PARPBP: variants seen among roughly 807,000 people sequenced by gnomAD.
The protein encoded by PARPBP is PCNA-interacting partner.
A neutral mutation model predicts 50.0 loss-of-function variants in PARPBP; 52 were observed. The ratio of observed to expected loss-of-function variants is 1.04; its 90% CI spans 0.83 to 1.31. The LOEUF is 1.31. PARPBP is among the 50% of genes most tolerant of loss of function. PARPBP has a pLI of 0.00. For synonymous variants in PARPBP, 244 were observed against 232.1 expected (o/e 1.05, Z -0.47); for missense variants, 697 against 672.0 (o/e 1.04, Z -0.41).
At chr12:102,176,759 C>G (rs531155316) in intron 7 of PARPBP, among the ~76,000 whole-genome samples, 1 of 152,166 alleles carries the variant, frequency 6.6e-6, no homozygotes, top group Non-Finnish European at 1.5e-5. Context: ...CATTCATTTA[C>G]TCACAGCACT....
At chr12:102,143,418 G>A (rs947644699) in intron 2 of PARPBP, among the ~76,000 whole-genome samples, 21 of 152,284 alleles carry the variant, frequency 1.4e-4, no homozygotes, top group South Asian at 2.1e-4. Context: ...GGAATTCCCC[G>A]ACCCCTTGCG....
intron 5 of PARPBP, chr12:102,164,810 T>C (rs1249100016): frequency 1.7e-6 from 1 of 595,262 alleles, no homozygotes; most frequent in East Asian, 2.9e-5. Flanking sequence ...AGTGTTTCCT[T>C]ACATATGTTC....
intron 2 of PARPBP, among the ~76,000 whole-genome samples, chr12:102,147,327 C>G (rs1045236992): frequency 9.2e-5 from 14 of 152,096 alleles, no homozygotes; most frequent in African/African-American, 1.7e-4. Context: ...AAATGTCCAA[C>G]AATGATAGAC....
intron 4 of PARPBP, among the ~76,000 whole-genome samples, chr12:102,156,111 G>T (rs1237548109): frequency 4.7e-5 from 7 of 149,422 alleles, no homozygotes; most frequent in Admixed American, 4.7e-4. Flanking sequence ...CATCTTGGGA[G>T]CTCTAAGAAC....
At chr12:102,190,306 A>G (rs1401765739) in intron 9 of PARPBP, among the ~76,000 whole-genome samples, 1 of 152,080 alleles carries the variant, frequency 6.6e-6, no homozygotes, top group African/African-American at 2.4e-5. Context: ...CATTCAAAAA[A>G]CAGTAAGTAC....
chr12:102,192,498 T>C (rs1890886793), intron 9 of PARPBP, among the ~76,000 whole-genome samples: 1 of 152,112 alleles, frequency 6.6e-6, no homozygotes, highest in Admixed American at 6.6e-5. Context: ...AGTTGGACAG[T>C]TGTTGGCTCA....
At chr12:102,177,434 G>A (rs1430595166) in intron 7 of PARPBP, among the ~76,000 whole-genome samples, 1 of 152,148 alleles carries the variant, frequency 6.6e-6, no homozygotes, top group African/African-American at 2.4e-5. Flanking sequence ...TAAGCAGTTG[G>A]TATCAAATCC....
chr12:102,137,355 T>C (rs1399442474), intron 2 of PARPBP, among the ~76,000 whole-genome samples: 1 of 152,190 alleles, frequency 6.6e-6, no homozygotes, highest in Non-Finnish European at 1.5e-5. Context: ...TGTTAGTCTG[T>C]CTAATGGCAT....
At chr12:102,190,257 T>A (rs1890675253) in intron 9 of PARPBP, among the ~76,000 whole-genome samples, 1 of 152,172 alleles carries the variant, frequency 6.6e-6, no homozygotes, top group South Asian at 2.1e-4. Flanking sequence ...TTGCATATAC[T>A]TGTTATAGTC....
At chr12:102,149,373 C>G (rs373825255) in intron 3 of PARPBP, among the ~76,000 whole-genome samples, 52 of 152,274 alleles carry the variant, frequency 3.4e-4, no homozygotes, top group African/African-American at 1.0e-3. Flanking sequence ...CCATGGTTAT[C>G]AGAGACCTGG....
At chr12:102,176,917 A>G (rs1289360421) in intron 7 of PARPBP, among the ~76,000 whole-genome samples, 1 of 152,220 alleles carries the variant, frequency 6.6e-6, no homozygotes, top group Non-Finnish European at 1.5e-5. Context: ...CAACCAGGTT[A>G]TTACTATAAG....
At chr12:102,194,200 T>C (rs1891054499) in intron 9 of PARPBP, among the ~76,000 whole-genome samples, 3 of 152,030 alleles carry the variant, frequency 2.0e-5, no homozygotes, top group African/African-American at 7.2e-5. Flanking sequence ...GAACATATAA[T>C]ATATAACTAC....
Position 102,136,101 on chromosome 12 carries a change from C to T in PARPBP, c.153+12060C>T, listed in dbSNP as rs146740799. Among the ~76,000 whole-genome samples, 896 of 152,298 alleles carry T rather than the reference C, an allele frequency of 5.9e-3. 11 individuals carry two copies. The highest frequency in any genetic ancestry group is 0.02 in the African/African-American group (840 of 41,562). The stretch of plus-strand genomic sequence containing the variant: ...GCACATTGTTTGCTTTTTCAACTGA[C>T]CTTCCCGTTCATATTCTTAGTCGTA... On this transcript the variant is annotated intron_variant, in intron 2 of 10. Transcript: ENST00000327680.
Position 102,150,570 on chromosome 12 carries a change from C to T in PARPBP, c.387+2107C>T, listed in dbSNP as rs543272049. ...CCCTTCCCTCTTCACTCCCTACTTA[C>T]GATTCCTCTCCTAAGGAAAATGGAT... is the stretch of plus-strand genomic sequence containing the variant. On this transcript the variant is annotated intron_variant, in intron 3 of 10. Transcript: ENST00000327680. Among the ~76,000 whole-genome samples the T allele has an allele frequency of 6.3e-4, 96 of 152,308 alleles. 3 individuals carry two copies. The highest frequency in any genetic ancestry group is 9.8e-4 in the Admixed American group (15 of 15,300).
intron 2 of PARPBP, among the ~76,000 whole-genome samples, chr12:102,125,014 G>A (rs955929586): frequency 2.6e-5 from 4 of 152,060 alleles, no homozygotes; most frequent in African/African-American, 9.7e-5. Context: ...CTTAAAACAG[G>A]GATAGTGTTT....
chr12:102,185,796 G>T (rs79097296), intron 9 of PARPBP, among the ~76,000 whole-genome samples: 5,427 of 152,120 alleles, frequency 0.036, 384 homozygotes, highest in East Asian at 0.29. Context: ...TGGGATTACA[G>T]GCACCCACCA....
At chr12:102,186,606 C>A (rs900324972) in intron 9 of PARPBP, among the ~76,000 whole-genome samples, 12 of 151,920 alleles carry the variant, frequency 7.9e-5, no homozygotes, top group African/African-American at 2.9e-4. Context: ...ACCCTTATAC[C>A]TTTTTATTAA....
At chr12:102,133,610 G>A (rs1384945740) in intron 2 of PARPBP, among the ~76,000 whole-genome samples, 1 of 151,482 alleles carries the variant, frequency 6.6e-6, no homozygotes, top group Non-Finnish European at 1.5e-5. Flanking sequence ...TTCTTGTAGT[G>A]TCCTAGTGTG....
intron 9 of PARPBP, among the ~76,000 whole-genome samples, chr12:102,183,302 A>G (rs1324982997): frequency 6.6e-6 from 1 of 152,172 alleles, no homozygotes; most frequent in East Asian, 1.9e-4. Flanking sequence ...TAAGATTTTT[A>G]TATAAAATTT....
Sources: gnomAD v4.1 joint callset for allele counts (sites outside exome capture counted in the v4.1 genomes callset) on GRCh38, gnomAD v4.1.1 for gene constraint, MANE v1.5 for transcripts, NCBI Gene and HGNC (gene_info 2026-07-23, HGNC 2026-07-21) for gene names.